The following PCGF5 variants were observed in gnomAD, a reference collection of about 807,000 sequenced individuals.
The protein encoded by PCGF5 is polycomb group RING finger protein 5.
PCGF5 carries 9 observed loss-of-function variants against 44.3 expected under a neutral mutation model. The observed-to-expected ratio is 0.20, with a 90% CI of 0.12 to 0.35. The LOEUF (loss-of-function observed/expected upper bound fraction) is 0.35, where lower values mean the gene tolerates loss of function less well. Among genes scored for constraint, PCGF5 ranks in the 10% least tolerant of loss-of-function variants. The pLI is 1.00. For synonymous variants in PCGF5, 95 were observed against 102.5 expected, an observed-to-expected ratio of 0.93 and a Z score of 0.44; for missense variants, 146 against 305.3, an observed-to-expected ratio of 0.48 and a Z score of 3.89.
At chr10:91,267,498 G>T (rs969631076) in intron 8 of PCGF5, among the ~76,000 whole-genome samples, 1 of 152,090 alleles carries the variant, frequency 6.6e-6, no homozygotes, top group African/African-American at 2.4e-5. Context: ...ATCAATACTT[G>T]TTCAAAGAAT....
At chr10:91,204,478 G>C (rs908922334) in intron 1 of PCGF5, among the ~76,000 whole-genome samples, 1 of 152,056 alleles carries the variant, frequency 6.6e-6, no homozygotes, top group Non-Finnish European at 1.5e-5. Flanking sequence ...GACCAGGCCA[G>C]GTCTATTTTA....
At chr10:91,200,238 G>A (rs1012106310) in intron 1 of PCGF5, among the ~76,000 whole-genome samples, 6 of 152,238 alleles carry the variant, frequency 3.9e-5, no homozygotes, top group Non-Finnish European at 8.8e-5. Flanking sequence ...GAGGAGATAA[G>A]AGGGAGGAGG....
intron 2 of PCGF5, chr10:91,227,840 C>T (rs1376904544): frequency 2.0e-6 from 2 of 986,306 alleles, no homozygotes; most frequent in African/African-American, 3.5e-5. Flanking sequence ...TCCTCTGTGC[C>T]CAGCTAGCAG....
At chr10:91,168,244 G>A (rs1347252651) in intron 1 of PCGF5, among the ~76,000 whole-genome samples, 2 of 152,158 alleles carry the variant, frequency 1.3e-5, no homozygotes, top group African/African-American at 4.8e-5. Context: ...CCTTGTAAAA[G>A]CCAGTATTTG....
chr10:91,271,718 T>C (rs1191048830), intron 9 of PCGF5, 21 bp downstream of exon 9: 1 of 1,597,916 alleles, frequency 6.3e-7, no homozygotes, highest in African/African-American at 1.3e-5. Flanking sequence ...CTCACGACTG[T>C]ACATATGACC....
intron 1 of PCGF5, among the ~76,000 whole-genome samples, chr10:91,186,394 A>ATTT (rs1843924084): frequency 1.3e-5 from 2 of 152,220 alleles, no homozygotes; most frequent in African/African-American, 4.8e-5. Context: ...GGAATATAAA[A>ATTT]GCTGCATGAT....
chr10:91,239,258 A>G (rs915225284), intron 2 of PCGF5, among the ~76,000 whole-genome samples: 3 of 152,218 alleles, frequency 2.0e-5, no homozygotes, highest in Non-Finnish European at 4.4e-5. Flanking sequence ...CCAACTCCTA[A>G]TATAATGTCT....
At chr10:91,225,229 TC>T (rs1844789704) in intron 2 of PCGF5, among the ~76,000 whole-genome samples, 1 of 147,770 alleles carries the variant, frequency 6.8e-6, no homozygotes, top group African/African-American at 2.5e-5. Context: ...TTGATATATA[TC>T]ATATATGTAT....
At chr10:91,252,847 T>G (rs2133384377) in intron 6 of PCGF5, among the ~76,000 whole-genome samples, 1 of 152,218 alleles carries the variant, frequency 6.6e-6, no homozygotes, top group South Asian at 2.1e-4. Context: ...TATAAAAGAT[T>G]GAATTTTAGA....
intron 1 of PCGF5, among the ~76,000 whole-genome samples, chr10:91,200,716 A>G (rs562377292): frequency 6.6e-6 from 1 of 152,278 alleles, no homozygotes; most frequent in Admixed American, 6.5e-5. Context: ...CTAGTGGGCA[A>G]TCTAGTTTAT....
At chr10:91,181,937 A>G (rs895220483) in intron 1 of PCGF5, among the ~76,000 whole-genome samples, 3 of 152,148 alleles carry the variant, frequency 2.0e-5, no homozygotes, top group African/African-American at 4.8e-5. Flanking sequence ...TCCAGTAGGA[A>G]TGGTAGCAGC....
Position 91,280,469 on chromosome 10 carries a change from C to A in PCGF5, c.*2153C>A, listed in dbSNP as rs959845283. On this transcript the variant is annotated 3_prime_UTR_variant, in exon 10 of 10. Transcript: ENST00000336126. ...AAATATATAGGAAGCAATTATGAAA[C>A]TGAGAATAGTTTTATATAGAATTCT... 6 of 152,410 alleles carry A rather than the reference C, an allele frequency of 3.9e-5. No homozygotes were observed. The highest frequency in any genetic ancestry group is 1.4e-4 in the African/African-American group (6 of 41,442). The allele number at this position is 152,410 out of a possible 1,614,324, so 9.4% of individuals were successfully genotyped here. A position where few individuals can be genotyped will look rare whatever the true frequency, so the allele number is the denominator to read the frequency against.
upstream of PCGF5, among the ~76,000 whole-genome samples, chr10:91,160,744 A>G (rs1031471617): frequency 6.6e-6 from 1 of 152,196 alleles, no homozygotes; most frequent in Non-Finnish European, 1.5e-5. Context: ...AGTGACGGCG[A>G]AGAAGAGGAT....
chr10:91,172,510 T>C (rs953672642), intron 1 of PCGF5, among the ~76,000 whole-genome samples: 1 of 152,180 alleles, frequency 6.6e-6, no homozygotes, highest in African/African-American at 2.4e-5. Flanking sequence ...TACTGTGAAG[T>C]AGACCCATGA....
upstream of PCGF5, among the ~76,000 whole-genome samples, chr10:91,218,870 C>T (rs1844598994): frequency 6.6e-6 from 1 of 152,066 alleles, no homozygotes; most frequent in Non-Finnish European, 1.5e-5. Flanking sequence ...CCTCATGATC[C>T]GCCCACCTCG....
chr10:91,188,599 T>C (rs1007883242), intron 1 of PCGF5, among the ~76,000 whole-genome samples: 5 of 152,222 alleles, frequency 3.3e-5, no homozygotes, highest in Non-Finnish European at 5.9e-5. Flanking sequence ...TTTTATTTCC[T>C]TAATGTTATC....
intron 1 of PCGF5, among the ~76,000 whole-genome samples, chr10:91,168,929 G>GAAA (rs57345364): frequency 2.1e-4 from 12 of 56,206 alleles, no homozygotes; most frequent in South Asian, 9.3e-4. Context: ...CTCCGTCTCA[G>GAAA]AAAAAAAAAA....
At chr10:91,236,702 G>A (rs12253484) in intron 2 of PCGF5, among the ~76,000 whole-genome samples, 19,773 of 152,182 alleles carry the variant, frequency 0.13, 2,408 homozygotes, top group African/African-American at 0.32. Context: ...GTTTTGTAGT[G>A]ATGAGAAGTT....
intron 1 of PCGF5, among the ~76,000 whole-genome samples, chr10:91,221,495 A>C (rs1423972324): frequency 6.6e-6 from 1 of 152,174 alleles, no homozygotes; most frequent in East Asian, 1.9e-4. Flanking sequence ...TTTCTGTTAC[A>C]CGCACGAATA....
Sources: gnomAD v4.1 joint callset for allele counts (sites outside exome capture counted in the v4.1 genomes callset) on GRCh38, gnomAD v4.1.1 for gene constraint, MANE v1.5 for transcripts, NCBI Gene and HGNC (gene_info 2026-07-23, HGNC 2026-07-21) for gene names.